Variants in GRK5 observed in about 807,000 individuals in gnomAD.
The protein encoded by GRK5 is g protein-coupled receptor kinase GRK5.
In GRK5, 40 loss-of-function variants were observed where a neutral mutation model predicts 78.4. That is an observed-to-expected ratio of 0.51 (90% CI 0.40 to 0.66). The LOEUF is 0.66. GRK5 is among the 30% of genes least tolerant of loss of function. The pLI is 0.00. For synonymous variants in GRK5, 289 were observed against 296.8 expected, an observed-to-expected ratio of 0.97 and a Z score of 0.27; for missense variants, 598 against 759.9, an observed-to-expected ratio of 0.79 and a Z score of 2.50.
At chr10:119,268,445 G>T (rs993792271) in intron 1 of GRK5, among the ~76,000 whole-genome samples, 1 of 152,156 alleles carries the variant, frequency 6.6e-6, no homozygotes, top group Admixed American at 6.5e-5. Flanking sequence ...CACAGTTTGC[G>T]CCAGTCCTTC....
chr10:119,348,606 A>T (rs1336112352), intron 2 of GRK5, among the ~76,000 whole-genome samples: 1 of 152,138 alleles, frequency 6.6e-6, no homozygotes. Context: ...AGGGCTCTAG[A>T]AGGTGGGTCT....
chr10:119,214,490 AC>A (rs1271456488), intron 1 of GRK5, among the ~76,000 whole-genome samples: 1 of 152,084 alleles, frequency 6.6e-6, no homozygotes, highest in South Asian at 2.1e-4. Context: ...CTGGAAGACA[AC>A]TGCTAATTTT....
Position 119,238,123 on chromosome 10 carries a change from A to G in GRK5, c.52+30154A>G, listed in dbSNP as rs1000534051. 1.3e-5 allele frequency among the ~76,000 whole-genome samples: 2 copies of G among 152,096 alleles called. No homozygotes were observed. The highest frequency in any genetic ancestry group is 2.9e-5 in the Non-Finnish European group (2 of 68,028). On this transcript the variant is annotated intron_variant, in intron 1 of 15. Coordinates refer to ENST00000392870, the MANE Select transcript of GRK5 (RefSeq NM_005308.3). This position sits in a 1 kb window ranked among gnomAD's most constrained non-coding sequence, Gnocchi z 4.7. ...TGTTTTTCTGTTTCATGTCCTGACTATTTCCTGGGTCCAGAGAGGGTTTTC... is the reference window on the plus strand; with the variant it reads ...TGTTTTTCTGTTTCATGTCCTGACTGTTTCCTGGGTCCAGAGAGGGTTTTC...
chr10:119,421,015 C>T (rs1010853415), intron 4 of GRK5, among the ~76,000 whole-genome samples: 5 of 152,202 alleles, frequency 3.3e-5, no homozygotes, highest in Admixed American at 1.3e-4. Flanking sequence ...AACTCAGGTC[C>T]CCCTTCTGAC....
At chr10:119,367,491 C>T (rs1281981177) in intron 2 of GRK5, among the ~76,000 whole-genome samples, 2 of 152,226 alleles carry the variant, frequency 1.3e-5, no homozygotes, top group African/African-American at 2.4e-5. Context: ...GAGTTAAACC[C>T]ACTGCGCCCT....
Position 119,452,855 on chromosome 10 carries a change from C to A in GRK5, c.1542+47C>A. Reference sequence around the variant, plus strand: ...CTTTGGTCTGGGTGGGAGGGAGGGACTGACGGGTGGAAGGAGGCGTCGGGA... The same window carrying A: ...CTTTGGTCTGGGTGGGAGGGAGGGAATGACGGGTGGAAGGAGGCGTCGGGA... On this transcript the variant is annotated intron_variant, in intron 14 of 15. Transcript: ENST00000392870. The surrounding 1 kb of genome is among the most constrained non-coding windows in gnomAD (Gnocchi z 4.4). 1 of 1,563,210 alleles carries A rather than the reference C, an allele frequency of 6.4e-7. No homozygotes were observed. The highest frequency in any genetic ancestry group is 1.1e-5 in the South Asian group (1 of 88,400).
chr10:119,273,209 C>T (rs1463141515), intron 1 of GRK5, among the ~76,000 whole-genome samples: 2 of 152,100 alleles, frequency 1.3e-5, no homozygotes, highest in Non-Finnish European at 2.9e-5. Context: ...GAAGGTGCCT[C>T]GGCAGCTCCA....
intron 1 of GRK5, among the ~76,000 whole-genome samples, chr10:119,215,401 A>G (rs1848554825): frequency 6.6e-6 from 1 of 151,318 alleles, no homozygotes; most frequent in Non-Finnish European, 1.5e-5. Context: ...TAAAAGAAGC[A>G]GAGGGAGGCA....
At position 119,370,655 on chromosome 10, in the gene GRK5, T is replaced by G. The variant is rs560440148; in HGVS notation, c.149-10160T>G. Among the ~76,000 whole-genome samples, 7 of 152,338 alleles carry G rather than the reference T, an allele frequency of 4.6e-5. No individual in the cohort carries two copies. The South Asian group carries it at 1.0e-3, about 23-fold the overall frequency. On this transcript the variant is annotated intron_variant, in intron 2 of 15. Coordinates refer to ENST00000392870, the MANE Select transcript of GRK5 (RefSeq NM_005308.3). ...GCCTTTCAAACGTCAGAGAGCTTTTTCCTCGGAGCAAACGCCCGATTGTTT... is the reference window on the plus strand; with the variant it reads ...GCCTTTCAAACGTCAGAGAGCTTTTGCCTCGGAGCAAACGCCCGATTGTTT...
chr10:119,459,696 G>A lies in GRK5; in HGVS notation c.*4629G>A, dbSNP rs1016345043. ...GTCACAGTGCCGCTGGATCTAGATGGAGCCACTGTTGTTGTTTTTAAAAGA... is the reference window on the plus strand; with the variant it reads ...GTCACAGTGCCGCTGGATCTAGATGAAGCCACTGTTGTTGTTTTTAAAAGA... On this transcript the variant is annotated 3_prime_UTR_variant, in exon 16 of 16. Transcript: ENST00000392870. 6.6e-6 allele frequency: 1 copy of A among 152,180 alleles called. No homozygotes were observed. The highest frequency in any genetic ancestry group is 2.4e-5 in the African/African-American group (1 of 41,440). 9.4% of individuals were successfully genotyped at this position (152,180 alleles called of 1,614,324 possible). A position where few individuals can be genotyped will look rare whatever the true frequency, so the allele number is the denominator to read the frequency against.
At chr10:119,224,875 G>A (rs1848710014) in intron 1 of GRK5, among the ~76,000 whole-genome samples, 1 of 152,174 alleles carries the variant, frequency 6.6e-6, no homozygotes, top group Non-Finnish European at 1.5e-5. Context: ...TCCTCTCCAA[G>A]CAAAACCATC....
At chr10:119,244,124 T>A (rs1333487087) in intron 1 of GRK5, among the ~76,000 whole-genome samples, 2 of 152,242 alleles carry the variant, frequency 1.3e-5, no homozygotes, top group Non-Finnish European at 2.9e-5. Context: ...CCATTGTAGT[T>A]TGAAAGCAGC....
chr10:119,282,340 C>T (rs1849775878), intron 1 of GRK5, among the ~76,000 whole-genome samples: 1 of 152,230 alleles, frequency 6.6e-6, no homozygotes, highest in Non-Finnish European at 1.5e-5. Context: ...CAGACTGCAG[C>T]AGAGCTGTCT....
chr10:119,367,184 A>G (rs1589767614), intron 2 of GRK5, among the ~76,000 whole-genome samples: 1 of 152,300 alleles, frequency 6.6e-6, no homozygotes, highest in East Asian at 1.9e-4. Context: ...AACCAGCTCT[A>G]CCAAACTCTA....
At chr10:119,299,189 T>C (rs1348975375) in intron 1 of GRK5, among the ~76,000 whole-genome samples, 3 of 152,152 alleles carry the variant, frequency 2.0e-5, no homozygotes, top group Non-Finnish European at 2.9e-5. Flanking sequence ...ACCTCTGTAA[T>C]CCAAGCACTT....
chr10:119,419,430 G>A (rs1440631080), intron 4 of GRK5, among the ~76,000 whole-genome samples: 2 of 152,192 alleles, frequency 1.3e-5, no homozygotes, highest in Non-Finnish European at 2.9e-5. Context: ...TGGCAGGTTT[G>A]GGCTTTAGTT....
chr10:119,281,772 C>T (rs539256974), intron 1 of GRK5, among the ~76,000 whole-genome samples: 4 of 152,326 alleles, frequency 2.6e-5, no homozygotes, highest in East Asian at 3.9e-4. Flanking sequence ...TCCGATCCCC[C>T]GAGGTGGCTG....
chr10:119,335,136 C>CTA (rs1850854284), intron 2 of GRK5: 1 of 100,898 alleles, frequency 9.9e-6, no homozygotes, highest in African/African-American at 4.8e-5. Flanking sequence ...TTGCCTCTCT[C>CTA]TCTCTCTCTC....
chr10:119,427,814 C>G (rs917650805), intron 6 of GRK5, among the ~76,000 whole-genome samples: 2 of 149,482 alleles, frequency 1.3e-5, no homozygotes, highest in South Asian at 4.2e-4. Flanking sequence ...AACAGCATCA[C>G]CACCATCATC....
Sources: allele counts gnomAD v4.1 joint callset (sites outside exome capture counted in the v4.1 genomes callset), GRCh38; gene constraint gnomAD v4.1.1; non-coding constraint Gnocchi (gnomAD v3.1); transcripts MANE v1.5; gene names NCBI Gene and HGNC (gene_info 2026-07-23, HGNC 2026-07-21).